The following ASTN2 variants were observed in gnomAD, a reference collection of about 807,000 sequenced individuals.
The protein encoded by ASTN2 is astrotactin-2.
A neutral mutation model predicts 139.8 loss-of-function variants in ASTN2; 54 were observed. The observed-to-expected ratio is 0.39, with a 90% confidence interval of 0.31 to 0.48. The LOEUF (loss-of-function observed/expected upper bound fraction) is 0.48. Ranked by LOEUF, ASTN2 falls within the 20% of genes least tolerant of loss-of-function variation. The pLI, the probability that ASTN2 is intolerant of heterozygous loss-of-function variation, is 0.95. For missense variants in ASTN2, 1,565 were observed against 1,725.1 expected (o/e 0.91, Z 1.64); for synonymous variants, 756 against 719.5 (o/e 1.05, Z -0.81).
At chr9:117,153,325 G>A (rs372293772) in intron 3 of ASTN2, among the ~76,000 whole-genome samples, 1 of 152,216 alleles carries the variant, frequency 6.6e-6, no homozygotes. Flanking sequence ...CTTGACCCTA[G>A]CAAATCTGTA....
Position 116,863,718 on chromosome 9 carries a change from C to G in ASTN2, c.1905G>C (p.Leu635=). 6.2e-7 allele frequency: 1 copy of G among 1,613,558 alleles called. No homozygotes were observed. The highest frequency in any genetic ancestry group is 1.3e-5 in the African/African-American group (1 of 75,024). The change falls in exon 11 of 23, where the codon CTG becomes CTC. Residue 635 remains leucine (L), a synonymous_variant. Transcript: ENST00000313400. Reference sequence around the variant, plus strand: ...CATTGATGGTTTCAAAGTATGTGGACAGCATCGCTTCTTCCCTTGGAGAGA... The same window carrying G: ...CATTGATGGTTTCAAAGTATGTGGAGAGCATCGCTTCTTCCCTTGGAGAGA... The part of the protein sequence containing the change: ...DPADVREEAM[L]STYFETINDL...
At chr9:116,644,100 C>T (rs569914966) in intron 17 of ASTN2, among the ~76,000 whole-genome samples, 4 of 151,974 alleles carry the variant, frequency 2.6e-5, no homozygotes, top group African/African-American at 4.8e-5. Flanking sequence ...ATAGTGGTGG[C>T]GGTAGTGGTC....
At position 116,820,618 on chromosome 9, in the gene ASTN2, C is replaced by T. The variant is rs149350423; in HGVS notation, c.2206G>A (p.Gly736Ser). Residue 736 changes from glycine (G) to serine (S), a missense_variant and splice_region_variant, in exon 12 of 23, where the codon GGT becomes AGT. Gly to Ser is a moderately conservative substitution (Grantham distance 56). Around this residue, in one of 4 missense-constraint regions of ASTN2, gnomAD observed 503 missense variants for 591.7 expected, o/e 0.85. Coordinates refer to ENST00000313400, the MANE Select transcript of ASTN2 (RefSeq NM_001365068.1). ...ATSSTIFMFC[G>S]CVEEYKLAPD... ...TGGGCCTTGGGGACAGAGACTCACC[C>T]GCAGAACATGAAGATGGTGCTCGAA... 4.3e-5 allele frequency: 70 copies of T among 1,613,058 alleles called. No homozygotes were observed. The African/African-American group carries it at 6.7e-4, about 15-fold the overall frequency.
intron 5 of ASTN2, among the ~76,000 whole-genome samples, chr9:117,087,567 G>C (rs1426320442): frequency 1.3e-5 from 2 of 152,160 alleles, no homozygotes; most frequent in South Asian, 2.1e-4. Flanking sequence ...TTTCAAGCTG[G>C]TACATTAGAA....
At chr9:116,726,166 AAG>A in intron 15 of ASTN2, among the ~76,000 whole-genome samples, 1 of 152,184 alleles carries the variant, frequency 6.6e-6, no homozygotes, top group Non-Finnish European at 1.5e-5. Context: ...CACGGTGACC[AAG>A]AGGGAATCTG....
intron 1 of ASTN2, among the ~76,000 whole-genome samples, chr9:117,407,382 A>C (rs562985285): frequency 6.6e-6 from 1 of 152,202 alleles, no homozygotes. Flanking sequence ...GATGGATTAG[A>C]GGGGATAAGA....
intron 3 of ASTN2, among the ~76,000 whole-genome samples, chr9:117,169,972 A>G (rs116109474): frequency 1.7e-3 from 263 of 152,198 alleles, no homozygotes; most frequent in African/African-American, 6.0e-3. Flanking sequence ...GGATCTGGCT[A>G]TCTTGGGTTT....
At position 116,976,145 on chromosome 9, in the gene ASTN2, T is replaced by A. The variant is rs1836335626; in HGVS notation, c.1720A>T (p.Thr574Ser). 1 of 1,614,132 alleles carries A rather than the reference T, an allele frequency of 6.2e-7. No individual in the cohort carries two copies. The highest frequency in any genetic ancestry group is 8.5e-7 in the Non-Finnish European group (1 of 1,180,000). The change falls in exon 9 of 23, where the codon ACA becomes TCA. Residue 574 changes from threonine (T) to serine (S), a missense_variant. Transcript: ENST00000313400. Reference protein sequence around the residue: ...TTLERGYDLVTGEQAPEKILR... With the variant: ...TTLERGYDLVSGEQAPEKILR... The stretch of plus-strand genomic sequence containing the variant: ...ATCTTTTCAGGGGCTTGCTCCCCTG[T>A]CACCAGATCATAGCCCCTCTCAAGT...
chr9:116,939,032 A>G (rs1408979214), intron 10 of ASTN2, among the ~76,000 whole-genome samples: 1 of 152,250 alleles, frequency 6.6e-6, no homozygotes, highest in Non-Finnish European at 1.5e-5. Context: ...TGTGTGAAAC[A>G]GTAGTACTAA....
chr9:117,070,930 T>C (rs1418439681), intron 5 of ASTN2, among the ~76,000 whole-genome samples: 1 of 147,266 alleles, frequency 6.8e-6, no homozygotes, highest in Non-Finnish European at 1.5e-5. Flanking sequence ...TTTCAAAGTT[T>C]TCAACTTCTT....
chr9:116,565,231 C>CAA (rs1270417174), intron 19 of ASTN2, among the ~76,000 whole-genome samples: 2 of 91,832 alleles, frequency 2.2e-5, no homozygotes, highest in African/African-American at 6.0e-5. Context: ...CACACACACA[C>CAA]ACACACACAC....
In ASTN2 at chr9:116,775,243, C is replaced by T. The variant is rs4837846; in HGVS notation, c.2396+30389G>A. Among the ~76,000 whole-genome samples the T allele has an allele frequency of 6.5e-3, 995 of 151,998 alleles. 9 individuals are homozygous for T. Among genetic ancestry groups the T allele is most frequent in the Non-Finnish European group, 0.01 (702 of 67,964 alleles). ...TAATAAAAGGCCCAATTACAACCTC[C>T]ACACTCTGAGATTTCAAAGGAAAGG... On this transcript the variant is annotated intron_variant, in intron 13 of 22. Transcript: ENST00000313400.
chr9:117,090,392 C>T (rs1391363566), intron 5 of ASTN2, among the ~76,000 whole-genome samples: 2 of 152,116 alleles, frequency 1.3e-5, no homozygotes, highest in Non-Finnish European at 2.9e-5. Flanking sequence ...TTGATGGCTA[C>T]AGTTCTGTGC....
Position 117,258,383 on chromosome 9 carries a change from G to A in ASTN2, c.630+32943C>T, listed in dbSNP as rs116523336. Among the ~76,000 whole-genome samples, 639 of 152,138 alleles carry A rather than the reference G, an allele frequency of 4.2e-3. 5 individuals are homozygous for A. The highest frequency in any genetic ancestry group is 0.014 in the African/African-American group (598 of 41,498). Reference sequence around the variant, plus strand: ...TTACCACGCAGCTCAGCCTCTCAACGCACAACTCAGACTCAAAAGTGGGTT... The same window carrying A: ...TTACCACGCAGCTCAGCCTCTCAACACACAACTCAGACTCAAAAGTGGGTT... On this transcript the variant is annotated intron_variant, in intron 2 of 22. Coordinates refer to ENST00000313400, the MANE Select transcript of ASTN2 (RefSeq NM_001365068.1).
At chr9:116,978,566 TAGAC>T (rs1024723904) in intron 7 of ASTN2, among the ~76,000 whole-genome samples, 37 of 151,654 alleles carry the variant, frequency 2.4e-4, no homozygotes, top group African/African-American at 9.0e-4. Flanking sequence ...GTGATTCTGA[TAGAC>T]AGGACCCAAA....
At chr9:116,963,538 T>C (rs1017739622) in intron 10 of ASTN2, among the ~76,000 whole-genome samples, 5 of 152,102 alleles carry the variant, frequency 3.3e-5, no homozygotes, top group Non-Finnish European at 7.4e-5. Context: ...GCGGTTGGAT[T>C]GGGGATGTGC....
At chr9:117,369,508 AC>A (rs1829935161) in intron 1 of ASTN2, among the ~76,000 whole-genome samples, 1 of 151,948 alleles carries the variant, frequency 6.6e-6, no homozygotes, top group Non-Finnish European at 1.5e-5. Flanking sequence ...GATCATATAG[AC>A]CCTGCCTGCC....
At chr9:117,319,741 A>G (rs546722093) in intron 1 of ASTN2, among the ~76,000 whole-genome samples, 1 of 152,138 alleles carries the variant, frequency 6.6e-6, no homozygotes, top group South Asian at 2.1e-4. Flanking sequence ...TGGCCTTCAC[A>G]GGGCATTATT....
intron 13 of ASTN2, among the ~76,000 whole-genome samples, chr9:116,788,756 A>C (rs1303967071): frequency 6.6e-6 from 1 of 152,216 alleles, no homozygotes; most frequent in African/African-American, 2.4e-5. Flanking sequence ...CTCATTAAGA[A>C]GAATTCAATC....
Sources: gnomAD v4.1 joint callset for allele counts (sites outside exome capture counted in the v4.1 genomes callset) on GRCh38, gnomAD v4.1.1 for gene constraint, gnomAD v4.1.1 regional missense constraint, MANE v1.5 for transcripts, NCBI Gene and HGNC (gene_info 2026-07-23, HGNC 2026-07-21) for gene names.